The following USP44 variants were observed in gnomAD, a reference collection of about 807,000 sequenced individuals.
USP44 encodes the protein ubiquitin carboxyl-terminal hydrolase 44.
In USP44, 61 loss-of-function variants were observed where a neutral mutation model predicts 69.0. The observed-to-expected ratio is 0.88, with a 90% CI of 0.72 to 1.09. USP44 has a LOEUF of 1.09. Ranked by LOEUF, USP44 falls within the 50% of genes least tolerant of loss-of-function variation. The pLI, the probability that USP44 is intolerant of heterozygous loss-of-function variation, is 0.00. For synonymous variants in USP44, 297 were observed against 295.4 expected, an observed-to-expected ratio of 1.01 and a Z score of -0.06; for missense variants, 753 against 849.9, an observed-to-expected ratio of 0.89 and a Z score of 1.42.
At chr12:95,524,870 G>A (rs2076786748) in intron 3 of USP44, 82 bp from the exon 4 acceptor site, 1 of 1,254,018 alleles carries the variant, frequency 8.0e-7, no homozygotes, top group Non-Finnish European at 1.1e-6. Flanking sequence ...TTTTAATTAA[G>A]TCAGAAATGA....
At position 95,537,815 on chromosome 12, in the gene USP44, T is replaced by C. The variant is rs930845949; in HGVS notation, c.-70-3489A>G. On this transcript the variant is annotated intron_variant, in intron 1 of 5. Coordinates refer to ENST00000258499, the MANE Select transcript of USP44 (RefSeq NM_032147.5). ...GGGACTGAAAATTACTGTACTTTCT[T>C]TATTAATCTATACTTTCAAAATTGT... Among the ~76,000 whole-genome samples the C allele has an allele frequency of 9.8e-5, 15 of 152,328 alleles. 1 individual carries two copies. The highest frequency in any genetic ancestry group is 3.9e-4 in the East Asian group (2 of 5,186).
rs1261150926 is a variant in USP44 at position 95,532,949 on chromosome 12, T to C, written c.1308A>G (p.Gln436=). The part of the protein sequence containing the change: ...EFLCELLDKI[Q]RELETTGTSL... ...TGGTACCAGTTGTCTCTAATTCACG[T>C]TGTATTTTATCTAAAAGTTCACAAA... Residue 436 remains glutamine, a synonymous_variant, in exon 2 of 6, where the codon CAA becomes CAG. Coordinates refer to ENST00000258499, the MANE Select transcript of USP44 (RefSeq NM_032147.5). The C allele has an allele frequency of 6.2e-7, 1 of 1,614,050 alleles. No individual in the cohort carries two copies. Among genetic ancestry groups the C allele is most frequent in the East Asian group, 2.2e-5 (1 of 44,902 alleles).
Position 95,528,913 on chromosome 12 carries a change from A to T in USP44, c.1518T>A (p.Ser506Arg). 1 of 1,614,020 alleles carries T rather than the reference A, an allele frequency of 6.2e-7. No individual in the cohort carries two copies. ...ATGGCTGGGAAGCAATATCTTTTCCACTGCATTGATACCTTTCTGGAAACT... is the reference window on the plus strand; with the variant it reads ...ATGGCTGGGAAGCAATATCTTTTCCTCTGCATTGATACCTTTCTGGAAACT... ...SLEFPERYQC[S>R]GKDIASQPCL... The change falls in exon 3 of 6, where the codon AGT becomes AGA. Residue 506 changes from serine to arginine, a missense_variant. By Grantham distance (110) the Ser-to-Arg change is moderately radical. Transcript: ENST00000258499.
rs1379149462 is a variant in USP44, at chr12:95,529,038, C to T, written c.1429-36G>A. 6 of 1,530,468 alleles carry T rather than the reference C, an allele frequency of 3.9e-6. 1 individual carries two copies. Among genetic ancestry groups the T allele is most frequent in the Middle Eastern group, 4.2e-4 (2 of 4,772 alleles). 94.8% of individuals were successfully genotyped at this position (1,530,468 alleles called of 1,614,324 possible). Reference sequence around the variant, plus strand: ...GAATATGAGTTCCTAAGATTATAATCTTTCCATCAAAACATTAACTCTTTT... The same window carrying T: ...GAATATGAGTTCCTAAGATTATAATTTTTCCATCAAAACATTAACTCTTTT... On this transcript the variant is annotated intron_variant, in intron 2 of 5. Transcript: ENST00000258499.
intron 2 of USP44, among the ~76,000 whole-genome samples, chr12:95,530,721 CTT>C (rs1455492531): frequency 6.6e-6 from 1 of 152,014 alleles, no homozygotes; most frequent in Non-Finnish European, 1.5e-5. Flanking sequence ...CTGGAAAGAA[CTT>C]TGTCACCAAG....
Position 95,524,733 on chromosome 12 carries a change from T to C in USP44, c.1680A>G (p.Gln560=). 3.1e-6 allele frequency: 5 copies of C among 1,612,758 alleles called. No individual in the cohort carries two copies. Among genetic ancestry groups the C allele is most frequent in the Non-Finnish European group, 4.2e-6 (5 of 1,179,512 alleles). The change falls in exon 4 of 6, where the codon CAA becomes CAG. Residue 560 remains glutamine, a synonymous_variant. Transcript: ENST00000258499. ...KPVVLTEAQK[Q]LMICHLPQVL... is the part of the protein sequence containing the mutation. ...CCTGAGGTAGGTGGCATATCATAAGTTGTTTCTGGGCTTCTGTGAGTACAA... is the reference window on the plus strand; with the variant it reads ...CCTGAGGTAGGTGGCATATCATAAGCTGTTTCTGGGCTTCTGTGAGTACAA...
intron 1 of USP44, chr12:95,546,787 T>C (rs1406547703): frequency 1.3e-5 from 2 of 152,204 alleles, no homozygotes; most frequent in Admixed American, 6.5e-5. Context: ...TCAACAAATT[T>C]ACACGGGGGT....
chr12:95,550,384 GTTC>G (rs905128716), intron 1 of USP44, among the ~76,000 whole-genome samples: 31 of 152,006 alleles, frequency 2.0e-4, no homozygotes, highest in African/African-American at 7.3e-4. Context: ...TACTCATTTT[GTTC>G]TTTTTTCTAT....
intron 1 of USP44, among the ~76,000 whole-genome samples, chr12:95,550,183 G>GAAA (rs570350053): frequency 1.1e-4 from 10 of 93,308 alleles, no homozygotes; most frequent in Admixed American, 2.4e-4. Context: ...CTCCGTCTCA[G>GAAA]AAAAAAAAAA....
At position 95,516,847 on chromosome 12, in the gene USP44, T is replaced by C. The variant is rs879108233; in HGVS notation, c.*1307A>G. On this transcript the variant is annotated 3_prime_UTR_variant, in exon 6 of 6. Transcript: ENST00000258499. Reference sequence around the variant, plus strand: ...TAGTGGTGAACAGCATTCTACAGGATACTATCTTTCACTAAGACTTCAACC... The same window carrying C: ...TAGTGGTGAACAGCATTCTACAGGACACTATCTTTCACTAAGACTTCAACC... 2.7e-5 allele frequency: 4 copies of C among 146,764 alleles called. No individual in the cohort carries two copies. The highest frequency in any genetic ancestry group is 6.1e-5 in the Non-Finnish European group (4 of 65,900). 9.1% of individuals were successfully genotyped at this position (146,764 alleles called of 1,614,324 possible).
intron 3 of USP44, among the ~76,000 whole-genome samples, chr12:95,525,621 C>T (rs1039470383): frequency 3.9e-5 from 6 of 152,242 alleles, no homozygotes; most frequent in Admixed American, 6.5e-5. Flanking sequence ...CCCTGGCCAA[C>T]GGCCTAGGAA....
In USP44 at chr12:95,532,811, A is replaced by G. The variant is rs2077062998; in HGVS notation, c.1428+18T>C. On this transcript the variant is annotated intron_variant, in intron 2 of 5. Coordinates refer to ENST00000258499, the MANE Select transcript of USP44 (RefSeq NM_032147.5). ...ATGAACTCCCAATGATGAAAATAAG[A>G]TTCTTAAAAATCCATACCTGACTAA... is the stretch of plus-strand genomic sequence containing the variant. 5.8e-6 allele frequency: 9 copies of G among 1,545,848 alleles called. No homozygotes were observed. The East Asian group carries it at 1.8e-4, about 31-fold the overall frequency.
chr12:95,522,623 C>G (rs957115135), intron 4 of USP44, among the ~76,000 whole-genome samples: 3 of 151,852 alleles, frequency 2.0e-5, no homozygotes, highest in African/African-American at 7.3e-5. Flanking sequence ...ACTAAAAATA[C>G]AAAAATTAGC....
chr12:95,544,818 A>G (rs2077520888), intron 1 of USP44, among the ~76,000 whole-genome samples: 1 of 152,180 alleles, frequency 6.6e-6, no homozygotes, highest in Non-Finnish European at 1.5e-5. Flanking sequence ...CCCCCGCCAT[A>G]GCTCATATTT....
rs1029298021 is a variant in USP44, at chr12:95,519,441, T to C, written c.1940-1088A>G. ...GGTATACTCAATCTGTATTTTTTTT[T>C]TTTTTTTTTTTTTTTTGAGATGGAG... On this transcript the variant is annotated intron_variant, in intron 5 of 5. Coordinates refer to ENST00000258499, the MANE Select transcript of USP44 (RefSeq NM_032147.5). 2.7e-3 allele frequency among the ~76,000 whole-genome samples: 363 copies of C among 134,942 alleles called. 5 individuals carry two copies. The highest frequency in any genetic ancestry group is 5.3e-3 in the South Asian group (20 of 3,764). The allele number at this position is 134,942 out of a possible 152,430, so 88.5% of individuals were successfully genotyped here. A position where few individuals can be genotyped will look rare whatever the true frequency, so the allele number is the denominator to read the frequency against.
intron 5 of USP44, among the ~76,000 whole-genome samples, chr12:95,519,400 C>T (rs1018066192): frequency 1.3e-5 from 2 of 150,410 alleles, no homozygotes; most frequent in East Asian, 2.0e-4. Context: ...CTTATGGTCC[C>T]GAGCATTTCA....
intron 1 of USP44, among the ~76,000 whole-genome samples, chr12:95,549,795 A>G (rs2077689837): frequency 6.6e-6 from 1 of 152,188 alleles, no homozygotes; most frequent in African/African-American, 2.4e-5. Context: ...AAATGAGTGC[A>G]CAAAGGTATT....
intron 1 of USP44, among the ~76,000 whole-genome samples, chr12:95,550,427 A>G (rs570740506): frequency 6.6e-6 from 1 of 152,316 alleles, no homozygotes; most frequent in East Asian, 1.9e-4. Context: ...TTCTGATTCA[A>G]TAATGACCCC....
chr12:95,541,593 A>C (rs1469421970), intron 1 of USP44, among the ~76,000 whole-genome samples: 7 of 151,984 alleles, frequency 4.6e-5, no homozygotes, highest in Non-Finnish European at 1.0e-4. Context: ...AAAACAAAAC[A>C]AAAAAAAGTA....
Sources: gnomAD v4.1 joint callset for allele counts (sites outside exome capture counted in the v4.1 genomes callset) on GRCh38, gnomAD v4.1.1 for gene constraint, MANE v1.5 for transcripts, NCBI Gene and HGNC (gene_info 2026-07-23, HGNC 2026-07-21) for gene names.